Variants in UGGT2 observed in about 807,000 individuals in gnomAD.
The protein encoded by UGGT2 is UDP-glucose glycoprotein glucosyltransferase 2.
Under a neutral mutation model 192.1 loss-of-function variants are expected in UGGT2, and 180 were observed. That is an observed-to-expected ratio of 0.94 (90% CI 0.83 to 1.06). The LOEUF is 1.06. Among genes scored for constraint, UGGT2 ranks in the 50% least tolerant of loss-of-function variants. UGGT2 has a pLI of 0.00. For missense variants in UGGT2, 1,849 were observed against 1,795.7 expected, an observed-to-expected ratio of 1.03 and a Z score of -0.54; for synonymous variants, 580 against 591.0, an observed-to-expected ratio of 0.98 and a Z score of 0.27.
chr13:95,976,330 C>T (rs887940393), intron 10 of UGGT2, among the ~76,000 whole-genome samples: 18 of 152,250 alleles, frequency 1.2e-4, no homozygotes, highest in Non-Finnish European at 1.5e-4. Flanking sequence ...TTAATGGACA[C>T]CTAGCTTGAA....
chr13:95,885,802 A>C (rs774087284), intron 26 of UGGT2, among the ~76,000 whole-genome samples: 5 of 152,206 alleles, frequency 3.3e-5, no homozygotes, highest in African/African-American at 4.8e-5. Flanking sequence ...AGTGAGTAGC[A>C]ATTTCTTTGT....
chr13:95,860,722 T>G (rs1006061462), intron 32 of UGGT2, 66 bp downstream of exon 32: 71 of 1,087,828 alleles, frequency 6.5e-5, no homozygotes, highest in Non-Finnish European at 8.1e-5. Context: ...TTCCTTTATT[T>G]TTTTTTGAAA....
At chr13:96,014,341 G>A (rs2052260139) in intron 4 of UGGT2, among the ~76,000 whole-genome samples, 1 of 152,136 alleles carries the variant, frequency 6.6e-6, no homozygotes, top group African/African-American at 2.4e-5. Context: ...AAAGGTATGA[G>A]TAACATTCCT....
intron 38 of UGGT2, among the ~76,000 whole-genome samples, chr13:95,817,678 T>G (rs1305598011): frequency 6.6e-6 from 1 of 152,056 alleles, no homozygotes; most frequent in Admixed American, 6.6e-5. Flanking sequence ...GCTGAAGACA[T>G]GCAAAAGCAA....
intron 5 of UGGT2, among the ~76,000 whole-genome samples, chr13:96,010,908 G>A (rs139513352): frequency 3.3e-5 from 5 of 152,306 alleles, no homozygotes; most frequent in African/African-American, 9.6e-5. Context: ...TAGTATTGAT[G>A]TTGGGACAGA....
intron 12 of UGGT2, among the ~76,000 whole-genome samples, chr13:95,962,968 C>T (rs1285007967): frequency 6.6e-6 from 1 of 152,074 alleles, no homozygotes; most frequent in Non-Finnish European, 1.5e-5. Context: ...GGGAAACTCT[C>T]CCTTATAGAG....
chr13:95,904,742 G>A (rs2140303578), intron 20 of UGGT2, among the ~76,000 whole-genome samples: 1 of 152,158 alleles, frequency 6.6e-6, no homozygotes, highest in East Asian at 1.9e-4. Flanking sequence ...TGTGAACAAT[G>A]CCGCAATAAA....
intron 36 of UGGT2, among the ~76,000 whole-genome samples, chr13:95,843,821 C>T (rs1387574456): frequency 6.6e-6 from 1 of 152,084 alleles, no homozygotes. Flanking sequence ...ATTCATGGAT[C>T]AAATTGTCTA....
intron 20 of UGGT2, among the ~76,000 whole-genome samples, chr13:95,907,842 T>C (rs997778138): frequency 1.3e-5 from 2 of 152,166 alleles, no homozygotes; most frequent in Non-Finnish European, 2.9e-5. Context: ...CCTCTTCTCC[T>C]CCAAAGGATC....
chr13:96,014,623 C>T (rs1282720134), intron 4 of UGGT2, among the ~76,000 whole-genome samples: 1 of 152,278 alleles, frequency 6.6e-6, no homozygotes, highest in East Asian at 1.9e-4. Flanking sequence ...TAGAATTTCA[C>T]TTCATTATTA....
At position 95,960,501 on chromosome 13, in the gene UGGT2, C is replaced by A. The variant is rs555563793; in HGVS notation, c.1335+9611G>T. Among the ~76,000 whole-genome samples, 6 of 151,850 alleles carry A rather than the reference C, an allele frequency of 4.0e-5. No individual in the cohort carries two copies. The East Asian group carries it at 9.7e-4, about 25-fold the overall frequency. On this transcript the variant is annotated intron_variant, in intron 12 of 38. Transcript: ENST00000376747. The stretch of plus-strand genomic sequence containing the variant: ...GACAAGACTTTTGAAATATCCCAGT[C>A]AAATAAAAATACATACAAAAAAGAA...
At chr13:95,825,814 A>G (rs551870560) in intron 38 of UGGT2, among the ~76,000 whole-genome samples, 1 of 152,110 alleles carries the variant, frequency 6.6e-6, no homozygotes, top group Non-Finnish European at 1.5e-5. Context: ...CACCAGCAGA[A>G]AGATCTGGGA....
chr13:95,814,571 T>C (rs1012924935), intron 38 of UGGT2, among the ~76,000 whole-genome samples: 2 of 152,218 alleles, frequency 1.3e-5, no homozygotes, highest in African/African-American at 2.4e-5. Context: ...TACAGGCTCA[T>C]AGGCGAAGGG....
At chr13:96,026,975 CTT>C (rs2052690172) in intron 2 of UGGT2, among the ~76,000 whole-genome samples, 2 of 152,262 alleles carry the variant, frequency 1.3e-5, no homozygotes, top group South Asian at 2.1e-4. Context: ...CCAGCCCACT[CTT>C]AATTCTTTAA....
Position 95,953,111 on chromosome 13 carries a change from A to G in UGGT2, c.1336-3657T>C, listed in dbSNP as rs559597740. Among the ~76,000 whole-genome samples the G allele has an allele frequency of 7.2e-5, 11 of 152,346 alleles. No individual in the cohort carries two copies. In the South Asian group the frequency reaches 2.3e-3, roughly 32 times the overall value. On this transcript the variant is annotated intron_variant, in intron 12 of 38. Transcript: ENST00000376747. ...ATTGGCTTTTAAAAAGTTGACTGCT[A>G]CAACAGTGAATGAACACATTATATG...
intron 10 of UGGT2, among the ~76,000 whole-genome samples, chr13:95,977,952 A>C (rs1002012876): frequency 6.6e-6 from 1 of 152,168 alleles, no homozygotes; most frequent in African/African-American, 2.4e-5. Context: ...ACAGAAAGTG[A>C]AACACTGCAT....
intron 1 of UGGT2, among the ~76,000 whole-genome samples, chr13:96,052,679 G>C (rs1286623493): frequency 6.6e-6 from 1 of 152,172 alleles, no homozygotes; most frequent in Non-Finnish European, 1.5e-5. Flanking sequence ...TTGTTCTGCA[G>C]AGTAAATGAC....
chr13:95,981,973 G>A (rs184494028), intron 10 of UGGT2, among the ~76,000 whole-genome samples: 35 of 152,282 alleles, frequency 2.3e-4, no homozygotes, highest in Admixed American at 1.7e-3. Context: ...AGTGTTCTCT[G>A]GAAGTAGTAG....
rs1224278409 is a variant in UGGT2 at position 95,947,193 on chromosome 13, A to C, written c.1542-21T>G. The C allele has an allele frequency of 3.2e-6, 5 of 1,571,458 alleles. No homozygotes were observed. The South Asian group carries it at 5.9e-5, about 19-fold the overall frequency. On this transcript the variant is annotated intron_variant, in intron 14 of 38. Transcript: ENST00000376747. ...CAATTCTGGAAAAAGAAGATGAACA[A>C]GGACTGTTATAATTACCTCTTGAAT...
Sources: gnomAD v4.1 joint callset for allele counts (sites outside exome capture counted in the v4.1 genomes callset) on GRCh38, gnomAD v4.1.1 for gene constraint, MANE v1.5 for transcripts, NCBI Gene and HGNC (gene_info 2026-07-23, HGNC 2026-07-21) for gene names.